The following RBPJ variants were observed in gnomAD, a reference collection of about 807,000 sequenced individuals.
RBPJ encodes recombining binding protein suppressor of hairless.
A neutral mutation model predicts 67.8 loss-of-function variants in RBPJ; 9 were observed. The ratio of observed to expected loss-of-function variants is 0.13; its 90% CI spans 0.08 to 0.23. RBPJ has a LOEUF of 0.23. RBPJ is among the 10% of genes least tolerant of loss of function. RBPJ has a pLI of 1.00. For missense variants in RBPJ, 305 were observed against 595.6 expected (o/e 0.51, Z 5.08); for synonymous variants, 198 against 203.3 (o/e 0.97, Z 0.22).
intron 1 of RBPJ, among the ~76,000 whole-genome samples, chr4:26,168,405 C>T (rs1453615271): frequency 6.6e-6 from 1 of 152,236 alleles, no homozygotes; most frequent in Admixed American, 6.5e-5. Context: ...TTGGCCCCCA[C>T]TCTCTTCTGG....
At chr4:26,195,335 A>G (rs990126349) in intron 1 of RBPJ, among the ~76,000 whole-genome samples, 1 of 152,226 alleles carries the variant, frequency 6.6e-6, no homozygotes, top group Non-Finnish European at 1.5e-5. Flanking sequence ...CCAGTTGTCC[A>G]TCAACTGGTG....
intron 7 of RBPJ, among the ~76,000 whole-genome samples, chr4:26,427,416 G>T (rs542632567): frequency 6.6e-6 from 1 of 152,180 alleles, no homozygotes; most frequent in Non-Finnish European, 1.5e-5. Context: ...CATACAAGTT[G>T]AATGCAGGAG....
chr4:26,335,673 G>A (rs1459195031), intron 1 of RBPJ, among the ~76,000 whole-genome samples: 2 of 141,580 alleles, frequency 1.4e-5, no homozygotes, highest in African/African-American at 5.3e-5. Context: ...ATGCTGGAGT[G>A]CAGTGCTACG....
At chr4:26,337,707 G>A (rs1725014347) in intron 1 of RBPJ, among the ~76,000 whole-genome samples, 1 of 131,602 alleles carries the variant, frequency 7.6e-6, no homozygotes, top group Non-Finnish European at 1.6e-5. Flanking sequence ...TTTTTTGAAG[G>A]ACAGGGTCTC....
chr4:26,212,652 G>T (rs1417409992), intron 1 of RBPJ, among the ~76,000 whole-genome samples: 1 of 151,908 alleles, frequency 6.6e-6, no homozygotes, highest in African/African-American at 2.4e-5. Flanking sequence ...GACCTACCTT[G>T]TCTGATTGTG....
upstream of RBPJ, among the ~76,000 whole-genome samples, chr4:26,158,945 T>TTCTCTCTCTC (rs5856933): frequency 0.048 from 6,621 of 136,676 alleles, 344 homozygotes; most frequent in East Asian, 0.11. Context: ...CTCTCTCTCT[T>TTCTCTCTCTC]TCTCTCTCTC....
rs1238006880 is a variant in RBPJ, at chr4:26,165,796, A to G, written c.-167+2182A>G. On this transcript the variant is annotated intron_variant, in intron 1 of 4. Coordinates refer to the RBPJ transcript ENST00000512351. ...TTAGTTACATATGTATACATGTGCT[A>G]TGCTGGTGTGCTGCACCCATTAACT... Among the ~76,000 whole-genome samples, 12 of 151,040 alleles carry G rather than the reference A, an allele frequency of 7.9e-5. No homozygotes were observed. The East Asian group carries it at 2.3e-3, about 29-fold the overall frequency.
intron 1 of RBPJ, among the ~76,000 whole-genome samples, chr4:26,214,543 G>GGGAAGGAGGAAGGGAGGGAA (rs1718565005): frequency 8.9e-6 from 1 of 112,572 alleles, no homozygotes; most frequent in African/African-American, 3.5e-5. Flanking sequence ...AAGGGAGGGA[G>GGGAAGGAGGAAGGGAGGGAA]GGAGGGAGGG....
chr4:26,315,196 A>ATC (rs1318800465), upstream of RBPJ, among the ~76,000 whole-genome samples: 2 of 127,518 alleles, frequency 1.6e-5, no homozygotes, highest in Non-Finnish European at 3.3e-5. Flanking sequence ...ATATATATGT[A>ATC]TGTATATACT....
At chr4:26,107,100 A>G in the RBPJ span, among the ~76,000 whole-genome samples, 1 of 152,248 alleles carries the variant, frequency 6.6e-6, no homozygotes, top group African/African-American at 2.4e-5. Context: ...AGTCAGTAGT[A>G]AAAAAGAATT....
chr4:26,186,972 G>C (rs554069272), intron 1 of RBPJ, among the ~76,000 whole-genome samples: 162 of 152,248 alleles, frequency 1.1e-3, no homozygotes, highest in Non-Finnish European at 1.9e-3. Flanking sequence ...TGTAATTTCA[G>C]CATTTGGGGA....
At chr4:26,250,056 G>A (rs1009556869) in intron 1 of RBPJ, among the ~76,000 whole-genome samples, 10 of 151,936 alleles carry the variant, frequency 6.6e-5, no homozygotes, top group Non-Finnish European at 1.3e-4. Context: ...AAAGTGCTGG[G>A]ATTACAGGTG....
chr4:26,132,801 C>G, the RBPJ span, among the ~76,000 whole-genome samples: 1 of 152,180 alleles, frequency 6.6e-6, no homozygotes, highest in Non-Finnish European at 1.5e-5. Flanking sequence ...TTACTCTTTA[C>G]TTCTCAACCC....
Position 26,419,905 on chromosome 4 carries a change from G to T in RBPJ, c.322-646G>T, listed in dbSNP as rs143068322. On this transcript the variant is annotated intron_variant, in intron 4 of 10. Coordinates refer to ENST00000355476, the MANE Select transcript of RBPJ (RefSeq NM_015874.6). The stretch of plus-strand genomic sequence containing the variant: ...ATTTTCTCTAGTACCTTTAAATTCA[G>T]TTCTTCTGGTGATACATATGAATCG... Among the ~76,000 whole-genome samples the T allele has an allele frequency of 3.0e-4, 46 of 152,174 alleles. No homozygotes were observed. The East Asian group carries it at 3.5e-3, about 11-fold the overall frequency.
chr4:26,270,440 G>GAAAGAAAGAAA (rs1720878546), intron 1 of RBPJ, among the ~76,000 whole-genome samples: 3 of 95,528 alleles, frequency 3.1e-5, no homozygotes, highest in African/African-American at 1.3e-4. Flanking sequence ...AAAGAAAGAA[G>GAAAGAAAGAAA]AAAGAAAGAA....
At chr4:26,316,033 T>C (rs1427242301), upstream of RBPJ, among the ~76,000 whole-genome samples, 1 of 151,992 alleles carries the variant, frequency 6.6e-6, no homozygotes, top group Admixed American at 6.6e-5. Flanking sequence ...CAAACACACG[T>C]TTTACAATCA....
the RBPJ span, among the ~76,000 whole-genome samples, chr4:26,158,210 C>T: frequency 6.6e-6 from 1 of 152,148 alleles, no homozygotes; most frequent in South Asian, 2.1e-4. Flanking sequence ...TGGCCATAGT[C>T]ACTTGATCAA....
chr4:26,113,620 C>A, the RBPJ span: 1 of 365,338 alleles, frequency 2.7e-6, no homozygotes, highest in South Asian at 2.7e-5. Flanking sequence ...GGTCAGCCTT[C>A]ACTGTCCATC....
At chr4:26,186,192 T>TTAA (rs1491165844) in intron 1 of RBPJ, among the ~76,000 whole-genome samples, 1 of 117,068 alleles carries the variant, frequency 8.5e-6, no homozygotes, top group African/African-American at 3.2e-5. Flanking sequence ...CCCTTTTTTT[T>TTAA]AAAAAAAAAA....
Sources: gnomAD v4.1 joint callset for allele counts (sites outside exome capture counted in the v4.1 genomes callset) on GRCh38, gnomAD v4.1.1 for gene constraint, MANE v1.5 for transcripts, NCBI Gene and HGNC (gene_info 2026-07-23, HGNC 2026-07-21) for gene names.